ADAMTS19: variants seen among roughly 807,000 people sequenced by gnomAD.
ADAMTS19 encodes ADAM metallopeptidase with thrombospondin type 1 motif 19.
In ADAMTS19, 93 loss-of-function variants were observed where a neutral mutation model predicts 153.3. The observed-to-expected ratio is 0.61, with a 90% CI of 0.51 to 0.72. The LOEUF is 0.72. Among genes scored for constraint, ADAMTS19 ranks in the 30% least tolerant of loss-of-function variants. ADAMTS19 has a pLI of 0.00. For missense variants in ADAMTS19, 1,482 were observed against 1,552.1 expected (o/e 0.95, Z 0.76); for synonymous variants, 600 against 556.6 (o/e 1.08, Z -1.10).
At chr5:129,574,114 A>C (rs892764284) in intron 7 of ADAMTS19, among the ~76,000 whole-genome samples, 2 of 152,038 alleles carry the variant, frequency 1.3e-5, no homozygotes, top group Admixed American at 6.6e-5. Context: ...AGATTATTTC[A>C]TTTTACAAAT....
At chr5:129,546,178 T>C (rs1752847138) in intron 6 of ADAMTS19, among the ~76,000 whole-genome samples, 2 of 148,774 alleles carry the variant, frequency 1.3e-5, no homozygotes, top group East Asian at 2.0e-4. Flanking sequence ...CAGGTGGGAA[T>C]TGAACAATGA....
At chr5:129,536,514 G>T (rs1353011790) in intron 6 of ADAMTS19, among the ~76,000 whole-genome samples, 1 of 152,146 alleles carries the variant, frequency 6.6e-6, no homozygotes, top group Non-Finnish European at 1.5e-5. Flanking sequence ...CGATTCCTCA[G>T]GGATCTAGAA....
chr5:129,620,908 T>C (rs970394381), intron 9 of ADAMTS19, 150 bp downstream of exon 9: 1 of 701,180 alleles, frequency 1.4e-6, no homozygotes, highest in Non-Finnish European at 2.2e-6. Context: ...CATTAACTCA[T>C]GGTGTAGTTT....
intron 16 of ADAMTS19, among the ~76,000 whole-genome samples, chr5:129,672,256 C>G (rs868351046): frequency 2.0e-5 from 3 of 152,194 alleles, no homozygotes; most frequent in Non-Finnish European, 4.4e-5. Flanking sequence ...AATTACCTCC[C>G]GAAGACTCCA....
chr5:129,497,960 C>T (rs776671381), intron 2 of ADAMTS19, among the ~76,000 whole-genome samples: 15 of 152,056 alleles, frequency 9.9e-5, no homozygotes, highest in Non-Finnish European at 1.8e-4. Flanking sequence ...ATCATGCCAT[C>T]CACCATCATT....
intron 3 of ADAMTS19, among the ~76,000 whole-genome samples, chr5:129,516,827 T>C (rs1751628239): frequency 6.6e-6 from 1 of 151,456 alleles, no homozygotes; most frequent in Non-Finnish European, 1.5e-5. Context: ...TCTTTTATTC[T>C]AGGTTTAAGT....
intron 10 of ADAMTS19, among the ~76,000 whole-genome samples, chr5:129,623,504 G>T (rs923522823): frequency 5.3e-5 from 8 of 152,228 alleles, no homozygotes; most frequent in Non-Finnish European, 2.9e-5. Context: ...AAGGAGTTTG[G>T]CTTTGTTGAG....
intron 18 of ADAMTS19, among the ~76,000 whole-genome samples, chr5:129,684,528 T>TACATTACATA (rs1754984598): frequency 6.6e-6 from 1 of 152,198 alleles, no homozygotes; most frequent in Non-Finnish European, 1.5e-5. Flanking sequence ...TACATTACAT[T>TACATTACATA]ACATTACATT....
At chr5:129,693,451 A>G (rs1755422120) in intron 18 of ADAMTS19, among the ~76,000 whole-genome samples, 1 of 152,170 alleles carries the variant, frequency 6.6e-6, no homozygotes, top group Non-Finnish European at 1.5e-5. Flanking sequence ...GGGCCTTTCA[A>G]TAGTGAACCA....
At chr5:129,546,801 A>T (rs899430981) in intron 6 of ADAMTS19, among the ~76,000 whole-genome samples, 1 of 151,178 alleles carries the variant, frequency 6.6e-6, no homozygotes. Context: ...GAGAAAATAA[A>T]TTGCTAAATA....
At chr5:129,668,622 C>G (rs948229620) in intron 16 of ADAMTS19, among the ~76,000 whole-genome samples, 3 of 152,032 alleles carry the variant, frequency 2.0e-5, no homozygotes, top group African/African-American at 7.2e-5. Context: ...GCTTCTAATT[C>G]TAACGTGGGG....
chr5:129,535,018 C>T (rs1157708344), intron 6 of ADAMTS19, among the ~76,000 whole-genome samples: 1 of 152,188 alleles, frequency 6.6e-6, no homozygotes, highest in East Asian at 1.9e-4. Context: ...CAGGGATGCC[C>T]TCTCTCACCA....
intron 7 of ADAMTS19, among the ~76,000 whole-genome samples, chr5:129,587,743 T>A (rs978997028): frequency 6.6e-6 from 1 of 152,164 alleles, no homozygotes; most frequent in East Asian, 1.9e-4. Context: ...CGGCTTGTGC[T>A]ACTGTCAAAA....
intron 2 of ADAMTS19, among the ~76,000 whole-genome samples, chr5:129,466,852 G>GCATA (rs1283426886): frequency 1.3e-5 from 2 of 152,136 alleles, no homozygotes; most frequent in Non-Finnish European, 2.9e-5. Context: ...TCCTTGCTCA[G>GCATA]CATACACCAA....
chr5:129,677,170 T>C (rs1419964915), intron 16 of ADAMTS19, among the ~76,000 whole-genome samples: 1 of 152,190 alleles, frequency 6.6e-6, no homozygotes, highest in Non-Finnish European at 1.5e-5. Context: ...AATAAAATAA[T>C]AGATCTTTAA....
At chr5:129,462,216 G>A (rs1749699416) in intron 2 of ADAMTS19, among the ~76,000 whole-genome samples, 1 of 152,102 alleles carries the variant, frequency 6.6e-6, no homozygotes, top group African/African-American at 2.4e-5. Context: ...CTACTTCAAA[G>A]TTGAAAGAAC....
chr5:129,535,116 G>T, intron 6 of ADAMTS19, among the ~76,000 whole-genome samples: 1 of 152,164 alleles, frequency 6.6e-6, no homozygotes. Context: ...AAAAGAGGAA[G>T]TCAAATTGTC....
intron 21 of ADAMTS19, among the ~76,000 whole-genome samples, chr5:129,725,984 C>A (rs68000654): frequency 0.055 from 8,389 of 152,096 alleles, 348 homozygotes; most frequent in African/African-American, 0.12. Flanking sequence ...CTTTCAGAGA[C>A]CTTGGGGCTT....
chr5:129,692,131 C>G (rs143674682), intron 18 of ADAMTS19, among the ~76,000 whole-genome samples: 1 of 152,160 alleles, frequency 6.6e-6, no homozygotes, highest in Non-Finnish European at 1.5e-5. Flanking sequence ...TTATTTTAAT[C>G]CTGCTTTTGG....
Sources: allele counts gnomAD v4.1 joint callset (sites outside exome capture counted in the v4.1 genomes callset), GRCh38; gene constraint gnomAD v4.1.1; transcripts MANE v1.5; gene names NCBI Gene and HGNC (gene_info 2026-07-23, HGNC 2026-07-21).